Variants in ADAMTSL1 observed in about 807,000 individuals in gnomAD.
The protein encoded by ADAMTSL1 is ADAMTS-like protein 1.
In ADAMTSL1, 126 loss-of-function variants were observed where a neutral mutation model predicts 201.8. That is an observed-to-expected ratio of 0.62 (90% confidence interval 0.54 to 0.72). ADAMTSL1 has a LOEUF of 0.72. Among genes scored for constraint, ADAMTSL1 ranks in the 30% least tolerant of loss-of-function variants. The pLI is 0.00. For missense variants in ADAMTSL1, 2,679 were observed against 2,277.8 expected, an observed-to-expected ratio of 1.18 and a Z score of -3.59; for synonymous variants, 1,121 against 903.4, an observed-to-expected ratio of 1.24 and a Z score of -4.32.
chr9:18,879,411 A>G (rs1049741830), intron 23 of ADAMTSL1, among the ~76,000 whole-genome samples: 1 of 152,200 alleles, frequency 6.6e-6, no homozygotes, highest in Non-Finnish European at 1.5e-5. Context: ...CACAAAACTG[A>G]TCTTAGCCTT....
intron 4 of ADAMTSL1, among the ~76,000 whole-genome samples, chr9:18,580,391 G>A (rs1275540641): frequency 6.6e-6 from 1 of 152,142 alleles, no homozygotes; most frequent in East Asian, 1.9e-4. Flanking sequence ...TAAGTCACTA[G>A]TATCAAATGT....
At chr9:18,120,055 G>A (rs1272829271) in intron 1 of ADAMTSL1, among the ~76,000 whole-genome samples, 1 of 152,174 alleles carries the variant, frequency 6.6e-6, no homozygotes, top group Non-Finnish European at 1.5e-5. Context: ...CATGATTTGT[G>A]AGATTCACGG....
intron 1 of ADAMTSL1, among the ~76,000 whole-genome samples, chr9:17,943,904 G>C (rs973764395): frequency 2.6e-5 from 4 of 152,022 alleles, no homozygotes; most frequent in African/African-American, 9.7e-5. Context: ...GGTGAAGGGT[G>C]AACAGGCACA....
chr9:18,898,485 G>C (rs965832030), intron 26 of ADAMTSL1, among the ~76,000 whole-genome samples: 1 of 152,144 alleles, frequency 6.6e-6, no homozygotes, highest in Admixed American at 6.5e-5. Context: ...GAATGGAAAG[G>C]AACCAACAAG....
intron 2 of ADAMTSL1, among the ~76,000 whole-genome samples, chr9:18,362,635 C>T (rs532859107): frequency 1.3e-5 from 2 of 152,284 alleles, no homozygotes; most frequent in South Asian, 4.1e-4. Context: ...CCGTGAAGCA[C>T]CATCAAATGT....
chr9:18,164,834 G>A (rs1418084498), intron 2 of ADAMTSL1, among the ~76,000 whole-genome samples: 1 of 151,788 alleles, frequency 6.6e-6, no homozygotes, highest in Admixed American at 6.6e-5. Flanking sequence ...TGTATCTTTT[G>A]CATATTGTGT....
At chr9:18,244,094 T>C (rs1168413204) in intron 2 of ADAMTSL1, among the ~76,000 whole-genome samples, 1 of 116,100 alleles carries the variant, frequency 8.6e-6, no homozygotes, top group East Asian at 3.5e-4. Flanking sequence ...ATTTTGTGTG[T>C]GTGTGTGTGT....
At chr9:18,217,646 G>A (rs1830100667) in intron 2 of ADAMTSL1, among the ~76,000 whole-genome samples, 1 of 152,094 alleles carries the variant, frequency 6.6e-6, no homozygotes, top group Admixed American at 6.6e-5. Flanking sequence ...TGGTTCCTTT[G>A]CATTCAACTC....
chr9:18,683,054 G>A (rs925430024), intron 12 of ADAMTSL1, among the ~76,000 whole-genome samples: 4 of 152,038 alleles, frequency 2.6e-5, no homozygotes, highest in Non-Finnish European at 4.4e-5. Flanking sequence ...CCTGACTATC[G>A]TCAGTGCCCT....
chr9:18,013,154 ATAGAG>A (rs1820124319), intron 1 of ADAMTSL1, among the ~76,000 whole-genome samples: 1 of 152,048 alleles, frequency 6.6e-6, no homozygotes, highest in Admixed American at 6.6e-5. Flanking sequence ...TAACAATATA[ATAGAG>A]TAAAAATTGT....
At chr9:18,135,586 G>A (rs1826124429) in intron 1 of ADAMTSL1, among the ~76,000 whole-genome samples, 1 of 151,996 alleles carries the variant, frequency 6.6e-6, no homozygotes, top group Non-Finnish European at 1.5e-5. Flanking sequence ...GCTGAGCCCA[G>A]GAGTTTGAGG....
At chr9:18,293,888 G>A (rs548027899) in intron 2 of ADAMTSL1, among the ~76,000 whole-genome samples, 51 of 152,290 alleles carry the variant, frequency 3.3e-4, no homozygotes, top group African/African-American at 1.1e-3. Flanking sequence ...GGCCAAAAAT[G>A]GGTTGGAGAA....
At chr9:18,399,533 G>C (rs991289449) in intron 2 of ADAMTSL1, among the ~76,000 whole-genome samples, 6 of 150,464 alleles carry the variant, frequency 4.0e-5, no homozygotes, top group African/African-American at 1.5e-4. Context: ...TGTAGAGACA[G>C]GGTTTCACCC....
intron 2 of ADAMTSL1, among the ~76,000 whole-genome samples, chr9:18,409,122 A>G (rs959731124): frequency 4.6e-5 from 7 of 151,908 alleles, no homozygotes; most frequent in African/African-American, 1.7e-4. Flanking sequence ...AGTGGCTCAC[A>G]CCTGTAATCC....
intron 2 of ADAMTSL1, among the ~76,000 whole-genome samples, chr9:18,320,826 A>G (rs979456011): frequency 1.3e-5 from 2 of 152,186 alleles, no homozygotes; most frequent in African/African-American, 2.4e-5. Flanking sequence ...GTAATATCTA[A>G]AAATTTGCAA....
chr9:18,671,518 G>C (rs923260392), intron 9 of ADAMTSL1, among the ~76,000 whole-genome samples: 2 of 152,218 alleles, frequency 1.3e-5, no homozygotes, highest in Non-Finnish European at 2.9e-5. Context: ...CCAGTGTACA[G>C]TGGATAGGAG....
intron 2 of ADAMTSL1, among the ~76,000 whole-genome samples, chr9:18,287,322 T>TACAC (rs112789682): frequency 6.6e-6 from 1 of 151,824 alleles, no homozygotes; most frequent in Non-Finnish European, 1.5e-5. Flanking sequence ...TATGTATGTA[T>TACAC]ACACACACAC....
At chr9:18,061,215 G>T (rs1822441082) in intron 1 of ADAMTSL1, among the ~76,000 whole-genome samples, 1 of 152,186 alleles carries the variant, frequency 6.6e-6, no homozygotes, top group Non-Finnish European at 1.5e-5. Flanking sequence ...TGTAACATTA[G>T]ACAGGTCACT....
intron 1 of ADAMTSL1, among the ~76,000 whole-genome samples, chr9:17,965,154 G>A (rs2772685): frequency 0.75 from 114,452 of 152,098 alleles, 45,007 homozygotes; most frequent in East Asian, 0.94. Flanking sequence ...ATTTTCTGCA[G>A]GCTTGTAATT....
Sources: allele counts gnomAD v4.1 joint callset (sites outside exome capture counted in the v4.1 genomes callset), GRCh38; gene constraint gnomAD v4.1.1; transcripts MANE v1.5; gene names NCBI Gene and HGNC (gene_info 2026-07-23, HGNC 2026-07-21).